NBPF3: variants seen among roughly 807,000 people sequenced by gnomAD.
NBPF3 encodes NBPF family member NBPF3.
In NBPF3, 57 loss-of-function variants were observed where a neutral mutation model predicts 78.1. That is an observed-to-expected ratio of 0.73 (90% CI 0.59 to 0.91). The LOEUF (loss-of-function observed/expected upper bound fraction) is 0.91. Among genes scored for constraint, NBPF3 ranks in the 40% least tolerant of loss-of-function variants. The pLI is 0.00. For missense variants in NBPF3, 510 were observed against 715.3 expected (o/e 0.71, Z 3.27); for synonymous variants, 182 against 271.7 (o/e 0.67, Z 3.25).
At chr1:21,451,523 G>A (rs947157377) in intron 2 of NBPF3, among the ~76,000 whole-genome samples, 2 of 152,322 alleles carry the variant, frequency 1.3e-5, no homozygotes, top group Middle Eastern at 6.8e-3. Flanking sequence ...GAGACAGGCT[G>A]ATGACTTCAG....
At chr1:21,457,464 A>G (rs901656559) in intron 2 of NBPF3, among the ~76,000 whole-genome samples, 2 of 151,878 alleles carry the variant, frequency 1.3e-5, no homozygotes, top group Non-Finnish European at 2.9e-5. Context: ...CAATGAAACA[A>G]TTTCTCAAAA....
intron 2 of NBPF3, among the ~76,000 whole-genome samples, chr1:21,457,066 A>G (rs1474088491): frequency 4.6e-5 from 7 of 152,174 alleles, no homozygotes; most frequent in Non-Finnish European, 1.0e-4. Flanking sequence ...TGTATTAGCA[A>G]TGAGCATTTG....
chr1:21,449,419 T>G (rs753089815), intron 2 of NBPF3, among the ~76,000 whole-genome samples: 69 of 152,212 alleles, frequency 4.5e-4, no homozygotes, highest in Non-Finnish European at 7.1e-4. Flanking sequence ...AGATGATACA[T>G]TTTCACATAA....
At chr1:21,478,365 T>C (rs967976250) in intron 9 of NBPF3, 58 bp downstream of exon 9, 228 of 1,575,532 alleles carry the variant, frequency 1.4e-4, no homozygotes, top group Non-Finnish European at 2.0e-4. Context: ...GTAGACCCCA[T>C]AATCTTTGGG....
chr1:21,472,720 CAT>C (rs1642665410), intron 5 of NBPF3, 121 bp from the exon 6 acceptor site: 1 of 782,660 alleles, frequency 1.3e-6, no homozygotes, highest in South Asian at 1.4e-5. Flanking sequence ...AACGATAAAA[CAT>C]GAGAGCTTTC....
At chr1:21,473,849 C>A (rs1251219917) in intron 7 of NBPF3, among the ~76,000 whole-genome samples, 1 of 152,180 alleles carries the variant, frequency 6.6e-6, no homozygotes, top group African/African-American at 2.4e-5. Flanking sequence ...ATCTGTGAGG[C>A]CTCGTACCTT....
chr1:21,459,754 C>G (rs1166122150), intron 2 of NBPF3: 1 of 342,368 alleles, frequency 2.9e-6, no homozygotes, highest in Non-Finnish European at 6.0e-6. Context: ...ATCAGCAGGC[C>G]CAGTGTCTTG....
At chr1:21,439,792 C>CGGGGACGCTCCGGGCCTCCGA (rs1640515711), upstream of NBPF3, among the ~76,000 whole-genome samples, 1 of 152,108 alleles carries the variant, frequency 6.6e-6, no homozygotes, top group South Asian at 2.1e-4. Flanking sequence ...TGTGGGCACG[C>CGGGGACGCTCCGGGCCTCCGA]GGGGACGCTC....
chr1:21,479,036 C>T (rs964733642), intron 9 of NBPF3, among the ~76,000 whole-genome samples: 2 of 152,220 alleles, frequency 1.3e-5, no homozygotes, highest in Admixed American at 6.5e-5. Flanking sequence ...CAGTATCTCT[C>T]CTATGAGGCA....
At chr1:21,453,742 G>A (rs1297194188) in intron 2 of NBPF3, 3 of 152,202 alleles carry the variant, frequency 2.0e-5, no homozygotes, top group Non-Finnish European at 4.4e-5. Context: ...TAGTTCTGAG[G>A]ACAGAGACCT....
At chr1:21,457,713 G>A (rs1469705350) in intron 2 of NBPF3, among the ~76,000 whole-genome samples, 1 of 152,150 alleles carries the variant, frequency 6.6e-6, no homozygotes, top group Non-Finnish European at 1.5e-5. Context: ...ATCTAACAAT[G>A]TCTTAAAGGT....
intron 2 of NBPF3, among the ~76,000 whole-genome samples, chr1:21,461,941 C>T (rs7545635): frequency 0.67 from 101,603 of 151,598 alleles, 35,224 homozygotes; most frequent in South Asian, 0.87. Context: ...TAGATGAATC[C>T]CCACCCTGGG....
chr1:21,470,748 C>G lies in NBPF3; in HGVS notation c.446+14C>G, dbSNP rs1642542786. ...TGAGGAGCTCAGGTGAGTGGGCCCC[C>G]TGGGGTCAGGCAGGTGGGCAGGTGT... On this transcript the variant is annotated intron_variant, in intron 4 of 14. Transcript: ENST00000318249. The G allele has an allele frequency of 6.3e-7, 1 of 1,578,580 alleles. No homozygotes were observed. The highest frequency in any genetic ancestry group is 1.3e-5 in the African/African-American group (1 of 74,248).
At chr1:21,452,852 C>T (rs1641387413) in intron 2 of NBPF3, among the ~76,000 whole-genome samples, 1 of 152,208 alleles carries the variant, frequency 6.6e-6, no homozygotes, top group African/African-American at 2.4e-5. Context: ...GCCCCAATGC[C>T]ACCTGGCACT....
rs1222035278 is a variant in NBPF3, at chr1:21,479,901, T to TC, written c.1209-147dup. ...TCCTTTTCTACCTGGCCCTGGTCTG[T>TC]CCCAACATGAAGGCAATAATTTGTT... is the stretch of plus-strand genomic sequence containing the variant. On this transcript the variant is annotated intron_variant, in intron 10 of 14. Coordinates refer to ENST00000318249, the MANE Select transcript of NBPF3 (RefSeq NM_032264.6). The TC allele has an allele frequency of 6.4e-5, 43 of 675,590 alleles. 1 individual carries two copies. The East Asian group carries it at 1.1e-3, about 18-fold the overall frequency. 41.8% of individuals were successfully genotyped at this position (675,590 alleles called of 1,614,324 possible).
chr1:21,459,763 T>C (rs1641847010), intron 2 of NBPF3: 1 of 320,014 alleles, frequency 3.1e-6, no homozygotes, highest in South Asian at 3.3e-5. Flanking sequence ...CCCAGTGTCT[T>C]GGCAATCATG....
intron 2 of NBPF3, among the ~76,000 whole-genome samples, chr1:21,456,954 G>A (rs1333737178): frequency 6.6e-6 from 1 of 152,190 alleles, no homozygotes; most frequent in Non-Finnish European, 1.5e-5. Context: ...GACTGTGTAT[G>A]TTAATAATCC....
chr1:21,439,876 G>C (rs1365595585), upstream of NBPF3, among the ~76,000 whole-genome samples: 12 of 152,338 alleles, frequency 7.9e-5, no homozygotes, highest in South Asian at 2.5e-3. Context: ...GGAAATCAGC[G>C]ATTTGGAGGG....
intron 2 of NBPF3, among the ~76,000 whole-genome samples, chr1:21,463,916 C>T (rs1465505407): frequency 6.6e-6 from 1 of 152,160 alleles, no homozygotes; most frequent in African/African-American, 2.4e-5. Flanking sequence ...CCACTTCACA[C>T]CCAGCAGTAT....
Sources: allele counts gnomAD v4.1 joint callset (sites outside exome capture counted in the v4.1 genomes callset), GRCh38; gene constraint gnomAD v4.1.1; transcripts MANE v1.5; gene names NCBI Gene and HGNC (gene_info 2026-07-23, HGNC 2026-07-21).